The following ZFR2 variants were observed in gnomAD, a reference collection of about 807,000 sequenced individuals.
ZFR2 encodes the protein zinc finger RNA binding protein 2.
Under a neutral mutation model 105.7 loss-of-function variants are expected in ZFR2, and 104 were observed. The ratio of observed to expected loss-of-function variants is 0.98; its 90% CI spans 0.84 to 1.16. The LOEUF is 1.16. Among genes scored for constraint, ZFR2 ranks in the 50% most tolerant of loss-of-function variants. The pLI is 0.00. For missense variants in ZFR2, 1,425 were observed against 1,355.5 expected (o/e 1.05, Z -0.80); for synonymous variants, 634 against 597.7 (o/e 1.06, Z -0.89).
Position 3,834,171 on chromosome 19 carries a change from C to T in ZFR2, c.265-393G>A, listed in dbSNP as rs1006623538. ...TGAGTGACAGGGTGGCCTCTGATGC[C>T]GTTGACCGACACAATCTGGGGACGA... On this transcript the variant is annotated intron_variant, in intron 2 of 18. Transcript: ENST00000262961. This position sits in a 1 kb window ranked among gnomAD's most constrained non-coding sequence, Gnocchi z 5.3. Among the ~76,000 whole-genome samples the T allele has an allele frequency of 5.9e-5, 9 of 152,146 alleles. No homozygotes were observed. Among genetic ancestry groups the T allele is most frequent in the Admixed American group, 4.6e-4 (7 of 15,266 alleles).
At chr19:3,811,004 C>T (rs1466749312) in intron 15 of ZFR2, among the ~76,000 whole-genome samples, 159 bp from the exon 16 acceptor site, 5 of 152,216 alleles carry the variant, frequency 3.3e-5, no homozygotes, top group East Asian at 1.9e-4. Flanking sequence ...CACATGAGCC[C>T]GGTGCCACCA....
At chr19:3,833,589 G>GT (rs985697879) in intron 3 of ZFR2, 75 bp downstream of exon 3, 11 of 1,125,912 alleles carry the variant, frequency 9.8e-6, no homozygotes, top group Admixed American at 5.1e-5. Context: ...AAAAAAAAAA[G>GT]TAAGTTTCCC....
chr19:3,831,933 A>C (rs1599237096), intron 3 of ZFR2, 55 bp from the exon 4 acceptor site: 2 of 1,404,118 alleles, frequency 1.4e-6, no homozygotes, highest in South Asian at 1.4e-5. Flanking sequence ...ACTGTCCCTC[A>C]CCTGCAGATG....
chr19:3,848,201 C>T (rs2038202412), intron 1 of ZFR2, among the ~76,000 whole-genome samples: 1 of 152,082 alleles, frequency 6.6e-6, no homozygotes, highest in African/African-American at 2.4e-5. Context: ...CACCTGATGT[C>T]AGGAGTTCGA....
At chr19:3,855,651 G>C (rs1202306499) in intron 1 of ZFR2, 4 of 395,352 alleles carry the variant, frequency 1.0e-5, no homozygotes, top group African/African-American at 8.2e-5. Flanking sequence ...CGGCAAGGGG[G>C]TGTGAGCAGG....
In ZFR2 at chr19:3,860,262, C is replaced by T. The variant is rs1419160283; in HGVS notation, c.53+8703G>A. 4.0e-5 allele frequency among the ~76,000 whole-genome samples: 6 copies of T among 150,456 alleles called. No individual in the cohort carries two copies. In the East Asian group the frequency reaches 1.2e-3, roughly 29 times the overall value. Reference sequence around the variant, plus strand: ...CTATGTTGCTCAGGCTGGTCTCGAACTCCTGGGCTCAAGTGATCCTCCTGC... The same window carrying T: ...CTATGTTGCTCAGGCTGGTCTCGAATTCCTGGGCTCAAGTGATCCTCCTGC... On this transcript the variant is annotated intron_variant, in intron 1 of 18. Coordinates refer to ENST00000262961, the MANE Select transcript of ZFR2 (RefSeq NM_015174.2).
At chr19:3,822,020 A>C in intron 9 of ZFR2, 61 bp downstream of exon 9, 6 of 1,523,636 alleles carry the variant, frequency 3.9e-6, no homozygotes, top group Admixed American at 2.0e-5. Context: ...CAGGCCTCCC[A>C]GCGCCCGCCG....
intron 1 of ZFR2, chr19:3,855,736 A>C (rs1599254457): frequency 2.9e-6 from 1 of 339,390 alleles, no homozygotes; most frequent in South Asian, 1.5e-4. Flanking sequence ...AAAGTTGGGG[A>C]AACAGGGCAG....
In ZFR2 at chr19:3,823,843, G is replaced by A. The variant is rs1269601882; in HGVS notation, c.1214-440C>T. Among the ~76,000 whole-genome samples, 2 of 152,170 alleles carry A rather than the reference G, an allele frequency of 1.3e-5. No homozygotes were observed. The highest frequency in any genetic ancestry group is 4.8e-5 in the African/African-American group (2 of 41,438). On this transcript the variant is annotated intron_variant, in intron 7 of 18. Transcript: ENST00000262961. The surrounding 1 kb of genome is among the most constrained non-coding windows in gnomAD (Gnocchi z 5.4). ...ATCATGTTGCTATTCAAGAATCAAC[G>A]CTGCTGAGGCTAAAAATAGAATGTG... is the stretch of plus-strand genomic sequence containing the variant.
intron 1 of ZFR2, among the ~76,000 whole-genome samples, chr19:3,841,996 G>A (rs570640121): frequency 6.6e-6 from 1 of 151,832 alleles, no homozygotes; most frequent in African/African-American, 2.4e-5. Flanking sequence ...TGTGTCACAG[G>A]TAAAGCAGAG....
chr19:3,855,469 T>G, intron 1 of ZFR2: 1 of 1,231,326 alleles, frequency 8.1e-7, no homozygotes. Flanking sequence ...GATAAATACT[T>G]CCTGGGTGCT....
At chr19:3,853,944 C>T (rs1473806765) in intron 1 of ZFR2, among the ~76,000 whole-genome samples, 2 of 151,880 alleles carry the variant, frequency 1.3e-5, no homozygotes, top group African/African-American at 4.8e-5. Flanking sequence ...ATTGGCCAGG[C>T]ACAGTGGTGT....
intron 1 of ZFR2, among the ~76,000 whole-genome samples, chr19:3,839,688 TG>T (rs1248735908): frequency 2.6e-5 from 4 of 151,802 alleles, no homozygotes; most frequent in African/African-American, 9.7e-5. Context: ...ATCACTGAGA[TG>T]GGTAAGTGCT....
At chr19:3,863,913 C>G (rs2038401243) in intron 1 of ZFR2, among the ~76,000 whole-genome samples, 1 of 152,122 alleles carries the variant, frequency 6.6e-6, no homozygotes, top group South Asian at 2.1e-4. Flanking sequence ...AACACCTACC[C>G]CAAGGATCAC....
chr19:3,843,765 G>A (rs929113731), intron 1 of ZFR2, among the ~76,000 whole-genome samples: 1 of 151,224 alleles, frequency 6.6e-6, no homozygotes, highest in African/African-American at 2.4e-5. Context: ...AACCTGGGAG[G>A]CGGAGCTTGC....
At chr19:3,837,421 TTGATGAA>T (rs2038087446) in intron 1 of ZFR2, among the ~76,000 whole-genome samples, 1 of 149,208 alleles carries the variant, frequency 6.7e-6, no homozygotes, top group Non-Finnish European at 1.5e-5. Context: ...ACTGTGGAAC[TTGATGAA>T]CACCATGACT....
intron 1 of ZFR2, among the ~76,000 whole-genome samples, chr19:3,844,070 C>A (rs1054831271): frequency 6.8e-6 from 1 of 146,238 alleles, no homozygotes; most frequent in African/African-American, 2.5e-5. Context: ...TTCACGGGGA[C>A]AGAGCTTCAG....
chr19:3,839,143 A>G (rs991137258), intron 1 of ZFR2, among the ~76,000 whole-genome samples: 1 of 152,142 alleles, frequency 6.6e-6, no homozygotes, highest in Non-Finnish European at 1.5e-5. Flanking sequence ...CCCTATCCAT[A>G]AAGAAGAAAC....
chr19:3,821,223 C>A, intron 10 of ZFR2, 117 bp downstream of exon 10: 1 of 1,347,748 alleles, frequency 7.4e-7, no homozygotes, highest in Non-Finnish European at 9.7e-7. Flanking sequence ...CGTCTCCCCC[C>A]ACTGCTCGAG....
Sources: allele counts gnomAD v4.1 joint callset (sites outside exome capture counted in the v4.1 genomes callset), GRCh38; gene constraint gnomAD v4.1.1; non-coding constraint Gnocchi (gnomAD v3.1); transcripts MANE v1.5; gene names NCBI Gene and HGNC (gene_info 2026-07-23, HGNC 2026-07-21).